The following ABCA1 variants were observed in gnomAD, a reference collection of about 807,000 sequenced individuals.
ABCA1 encodes ATP binding cassette subfamily A member 1.
Under a neutral mutation model 262.5 loss-of-function variants are expected in ABCA1, and 133 were observed. The observed-to-expected ratio is 0.51, with a 90% CI of 0.44 to 0.59. The LOEUF (loss-of-function observed/expected upper bound fraction) is 0.59. Ranked by LOEUF, ABCA1 falls within the 20% of genes least tolerant of loss-of-function variation. The pLI is 0.00. For missense variants in ABCA1, 2,452 were observed against 2,777.5 expected, an observed-to-expected ratio of 0.88 and a Z score of 2.63; for synonymous variants, 1,022 against 1,043.5, an observed-to-expected ratio of 0.98 and a Z score of 0.40.
intron 5 of ABCA1, among the ~76,000 whole-genome samples, chr9:104,874,997 C>G (rs1838016256): frequency 6.6e-6 from 1 of 151,972 alleles, no homozygotes; most frequent in South Asian, 2.1e-4. Context: ...GTGTACCCAG[C>G]AGCTCATTGA....
intron 7 of ABCA1, chr9:104,855,155 T>C: frequency 7.1e-6 from 7 of 985,250 alleles, no homozygotes; most frequent in Non-Finnish European, 8.4e-6. Context: ...ACCACTTCGC[T>C]TGGTATGAGT....
At chr9:104,888,058 GGTGTGTGTGTGT>G (rs10693809) in intron 3 of ABCA1, among the ~76,000 whole-genome samples, 2 of 140,304 alleles carry the variant, frequency 1.4e-5, no homozygotes, top group African/African-American at 3.0e-5. Flanking sequence ...TTTCTTGAGG[GGTGTGTGTGTGT>G]GTGTGTGTGT....
intron 39 of ABCA1, 81 bp downstream of exon 39, chr9:104,795,972 G>A (rs1030280636): frequency 1.3e-6 from 2 of 1,590,406 alleles, no homozygotes; most frequent in Non-Finnish European, 1.7e-6. Flanking sequence ...CTGACAAGTG[G>A]AATAAGATCA....
intron 2 of ABCA1, among the ~76,000 whole-genome samples, chr9:104,889,984 A>G (rs1245314851): frequency 6.6e-6 from 1 of 152,134 alleles, no homozygotes; most frequent in African/African-American, 2.4e-5. Context: ...CCAAAGGAAA[A>G]CCCTGCCTCA....
chr9:104,848,238 C>G (rs1000610589), intron 7 of ABCA1, among the ~76,000 whole-genome samples: 5 of 152,134 alleles, frequency 3.3e-5, no homozygotes, highest in African/African-American at 9.7e-5. Flanking sequence ...AAAATCATGG[C>G]AGAATTGTAA....
intron 7 of ABCA1, among the ~76,000 whole-genome samples, chr9:104,845,896 T>A (rs922805099): frequency 2.3e-4 from 35 of 152,338 alleles, no homozygotes; most frequent in Middle Eastern, 6.8e-3. Flanking sequence ...CAAATCTGTC[T>A]GCGTCTGCAA....
Position 104,861,783 on chromosome 9 carries a change from A to T in ABCA1, c.439T>A (p.Phe147Ile). The change falls in exon 6 of 50, where the codon TTC becomes ATC. Residue 147 changes from phenylalanine (F) to isoleucine (I), a missense_variant. This residue lies in a region of ABCA1 where 1,032 missense variants were observed against 1,089.7 expected (regional missense o/e 0.95). Transcript: ENST00000374736. Reference sequence around the variant, plus strand: ...GAGAAGGTTTCATTGTCCACCAGGAAATCTTGAAGCTTCAAGTCTATTGAG... The same window carrying T: ...GAGAAGGTTTCATTGTCCACCAGGATATCTTGAAGCTTCAAGTCTATTGAG... ...KSSSNLKLQD[F>I]LVDNETFSGF... 6.2e-7 allele frequency: 1 copy of T among 1,613,694 alleles called. No homozygotes were observed. Among genetic ancestry groups the T allele is most frequent in the Non-Finnish European group, 8.5e-7 (1 of 1,179,686 alleles).
intron 20 of ABCA1, among the ~76,000 whole-genome samples, chr9:104,821,153 G>C (rs888815167): frequency 4.6e-5 from 7 of 152,166 alleles, no homozygotes; most frequent in Middle Eastern, 3.2e-3. Context: ...TGAGGCAGGA[G>C]AATCGCTTGA....
chr9:104,832,972 A>G (rs980750036), intron 11 of ABCA1, among the ~76,000 whole-genome samples: 1 of 152,202 alleles, frequency 6.6e-6, no homozygotes, highest in African/African-American at 2.4e-5. Flanking sequence ...GGGCTTGGTC[A>G]TAGTATTACT....
intron 1 of ABCA1, among the ~76,000 whole-genome samples, chr9:104,927,293 T>G (rs1368305513): frequency 6.6e-6 from 1 of 151,788 alleles, no homozygotes; most frequent in Non-Finnish European, 1.5e-5. Flanking sequence ...GCACGGAGAC[T>G]GTAGGCAGGA....
At chr9:104,899,719 T>A (rs1399017980) in intron 2 of ABCA1, among the ~76,000 whole-genome samples, 1 of 152,006 alleles carries the variant, frequency 6.6e-6, no homozygotes, top group South Asian at 2.1e-4. Context: ...CAATTAACTA[T>A]TTTCCCAGCC....
chr9:104,786,977 C>A lies in ABCA1; in HGVS notation c.6205-1G>T. On this transcript the variant is annotated splice_acceptor_variant, in intron 46 of 49. Coordinates refer to ENST00000374736, the MANE Select transcript of ABCA1 (RefSeq NM_005502.4). LOFTEE classifies it high-confidence loss of function. ...GATCCATGCCTGTGGTGGGTTCATC[C>A]TGTAATTAGAATAAAATAAGTCTTA... The A allele has an allele frequency of 6.2e-7, 1 of 1,611,634 alleles. No individual in the cohort carries two copies. The highest frequency in any genetic ancestry group is 8.5e-7 in the Non-Finnish European group (1 of 1,179,174).
chr9:104,871,298 T>A (rs894473092), intron 5 of ABCA1, among the ~76,000 whole-genome samples: 1 of 152,188 alleles, frequency 6.6e-6, no homozygotes, highest in African/African-American at 2.4e-5. Flanking sequence ...TAAATTTCTA[T>A]TGTGTATAAA....
At chr9:104,862,246 G>A (rs529248359) in intron 5 of ABCA1, among the ~76,000 whole-genome samples, 2 of 151,916 alleles carry the variant, frequency 1.3e-5, no homozygotes, top group Admixed American at 6.6e-5. Flanking sequence ...TGGGATTACA[G>A]GTATGCATCA....
intron 11 of ABCA1, among the ~76,000 whole-genome samples, chr9:104,835,023 T>C (rs1032355851): frequency 6.6e-6 from 1 of 152,000 alleles, no homozygotes; most frequent in Non-Finnish European, 1.5e-5. Flanking sequence ...CTGAGGCAGG[T>C]GGATCACTTG....
intron 1 of ABCA1, among the ~76,000 whole-genome samples, chr9:104,916,302 G>A (rs1369787454): frequency 1.3e-5 from 2 of 152,132 alleles, no homozygotes; most frequent in Non-Finnish European, 1.5e-5. Flanking sequence ...CAGCCTTTAG[G>A]AAACCCTCAA....
intron 19 of ABCA1, 51 bp from the exon 20 acceptor site, chr9:104,821,557 C>T: frequency 1.2e-6 from 2 of 1,606,740 alleles, no homozygotes; most frequent in Non-Finnish European, 1.7e-6. Context: ...CTACCCTTAA[C>T]TCTAGATGCT....
chr9:104,824,420 A>C lies in ABCA1; in HGVS notation c.2656+45T>G, dbSNP rs977588784. Reference sequence around the variant, plus strand: ...CTTGCCCCCAACAGTTAGCAGAGGCAGCAGCACTAGGTTAAAGAAAGAGCA... The same window carrying C: ...CTTGCCCCCAACAGTTAGCAGAGGCCGCAGCACTAGGTTAAAGAAAGAGCA... On this transcript the variant is annotated intron_variant, in intron 18 of 49. Coordinates refer to ENST00000374736, the MANE Select transcript of ABCA1 (RefSeq NM_005502.4). 4 of 1,612,994 alleles carry C rather than the reference A, an allele frequency of 2.5e-6. No homozygotes were observed. The African/African-American group carries it at 5.3e-5, about 22-fold the overall frequency.
At chr9:104,871,474 G>A (rs1195655961) in intron 5 of ABCA1, among the ~76,000 whole-genome samples, 1 of 152,166 alleles carries the variant, frequency 6.6e-6, no homozygotes, top group Non-Finnish European at 1.5e-5. Flanking sequence ...CAGCCCCAGA[G>A]GGAAAGGATG....
Sources: allele counts gnomAD v4.1 joint callset (sites outside exome capture counted in the v4.1 genomes callset), GRCh38; gene constraint gnomAD v4.1.1; regional missense constraint gnomAD v4.1.1; transcripts MANE v1.5; gene names NCBI Gene and HGNC (gene_info 2026-07-23, HGNC 2026-07-21).